EXOC6: variants seen among roughly 807,000 people sequenced by gnomAD.
The protein encoded by EXOC6 is SEC15-like 1.
In EXOC6, 60 loss-of-function variants were observed where a neutral mutation model predicts 112.5. The ratio of observed to expected loss-of-function variants is 0.53; its 90% CI spans 0.43 to 0.66. The LOEUF is 0.66. Ranked by LOEUF, EXOC6 falls within the 30% of genes least tolerant of loss-of-function variation. The pLI, the probability that EXOC6 is intolerant of heterozygous loss-of-function variation, is 0.00. For missense variants in EXOC6, 855 were observed against 957.1 expected (o/e 0.89, Z 1.41); for synonymous variants, 295 against 308.0 (o/e 0.96, Z 0.44).
chr10:92,969,730 G>A (rs1842206194), intron 17 of EXOC6, among the ~76,000 whole-genome samples: 1 of 152,006 alleles, frequency 6.6e-6, no homozygotes, highest in Non-Finnish European at 1.5e-5. Flanking sequence ...GTTTCACTCT[G>A]TTGCCCAGGC....
At chr10:92,975,932 C>T (rs1277364394) in intron 18 of EXOC6, among the ~76,000 whole-genome samples, 1 of 140,096 alleles carries the variant, frequency 7.1e-6, no homozygotes. Flanking sequence ...GGGGTCAGCC[C>T]CCCGCCCGGC....
chr10:92,834,700 C>G (rs201245876), upstream of EXOC6: 203 of 1,524,836 alleles, frequency 1.3e-4, no homozygotes, highest in Middle Eastern at 2.4e-3. Flanking sequence ...CACTCAATAT[C>G]TGACATCTGC....
At chr10:92,873,662 A>G (rs1311806459) in intron 1 of EXOC6, among the ~76,000 whole-genome samples, 1 of 152,200 alleles carries the variant, frequency 6.6e-6, no homozygotes, top group Non-Finnish European at 1.5e-5. Context: ...TTACGAGCAC[A>G]TATAGCAAAC....
intron 17 of EXOC6, among the ~76,000 whole-genome samples, chr10:92,963,972 A>G (rs78121833): frequency 0.035 from 5,268 of 152,044 alleles, 323 homozygotes; most frequent in African/African-American, 0.12. Context: ...TATAAGGCAC[A>G]ATACATATCC....
At chr10:92,832,974 A>T (rs554455161), upstream of EXOC6, among the ~76,000 whole-genome samples, 1 of 152,268 alleles carries the variant, frequency 6.6e-6, no homozygotes, top group East Asian at 1.9e-4. Context: ...TTTAAGATAG[A>T]TTGAAAATTA....
chr10:93,018,279 G>A (rs559871917), intron 20 of EXOC6, among the ~76,000 whole-genome samples: 34 of 152,052 alleles, frequency 2.2e-4, no homozygotes, highest in African/African-American at 8.0e-4. Flanking sequence ...TTTTTAAAAG[G>A]TATAATAATG....
upstream of EXOC6, among the ~76,000 whole-genome samples, chr10:92,844,992 G>A (rs1430184328): frequency 6.6e-6 from 1 of 152,144 alleles, no homozygotes; most frequent in Non-Finnish European, 1.5e-5. Context: ...TAGATAAAAG[G>A]CGCAAAGTTA....
chr10:92,955,954 T>C (rs993316404), intron 17 of EXOC6, among the ~76,000 whole-genome samples: 4 of 152,126 alleles, frequency 2.6e-5, no homozygotes, highest in African/African-American at 9.6e-5. Context: ...CATGTTTTGA[T>C]GATTTATAGT....
chr10:92,919,718 A>T (rs556929737), intron 7 of EXOC6, among the ~76,000 whole-genome samples: 1 of 152,340 alleles, frequency 6.6e-6, no homozygotes, highest in Admixed American at 6.5e-5. Flanking sequence ...CATATTAAAA[A>T]TATACAATTT....
chr10:92,919,596 G>A (rs924003131), intron 7 of EXOC6, among the ~76,000 whole-genome samples: 3 of 152,070 alleles, frequency 2.0e-5, no homozygotes, highest in African/African-American at 4.8e-5. Context: ...ACATAGCTGC[G>A]TAAGAACAGG....
At chr10:92,943,195 C>T (rs145583629) in intron 13 of EXOC6, among the ~76,000 whole-genome samples, 1 of 151,570 alleles carries the variant, frequency 6.6e-6, no homozygotes, top group Non-Finnish European at 1.5e-5. Flanking sequence ...ATTTTTTGTA[C>T]TTTTAGTAGA....
At chr10:92,928,476 C>T (rs1851843987) in intron 9 of EXOC6, 54 bp downstream of exon 9, 2 of 1,066,932 alleles carry the variant, frequency 1.9e-6, no homozygotes, top group Non-Finnish European at 2.8e-6. Flanking sequence ...TCCCCTTACC[C>T]TGTTTTAATT....
chr10:93,021,441 T>A (rs1844785410), intron 20 of EXOC6, among the ~76,000 whole-genome samples: 1 of 152,230 alleles, frequency 6.6e-6, no homozygotes, highest in South Asian at 2.1e-4. Flanking sequence ...TCCTATTAAT[T>A]TGCCTTTTGT....
At chr10:92,992,286 TCAAAAAAA>T (rs1451822651) in intron 18 of EXOC6, among the ~76,000 whole-genome samples, 3 of 24,566 alleles carry the variant, frequency 1.2e-4, no homozygotes, top group African/African-American at 4.0e-4. Flanking sequence ...AGACTCTGTC[TCAAAAAAA>T]AAAAAAAAAA....
At chr10:92,919,910 T>TG (rs981179295) in intron 7 of EXOC6, 72 bp from the exon 8 acceptor site, 1 of 910,252 alleles carries the variant, frequency 1.1e-6, no homozygotes, top group African/African-American at 1.7e-5. Flanking sequence ...TTGCCTATCT[T>TG]TAACTTTACA....
chr10:92,930,424 ACCC>A (rs1279182016), intron 9 of EXOC6, among the ~76,000 whole-genome samples: 2 of 151,960 alleles, frequency 1.3e-5, no homozygotes, highest in Non-Finnish European at 2.9e-5. Flanking sequence ...AATCACTTGA[ACCC>A]GAGAGGCAGA....
chr10:92,936,543 C>T (rs1379289677), intron 12 of EXOC6, among the ~76,000 whole-genome samples: 1 of 152,166 alleles, frequency 6.6e-6, no homozygotes, highest in Non-Finnish European at 1.5e-5. Context: ...TGCAGTGAGC[C>T]GAGATCGCGC....
chr10:92,909,893 A>AT (rs1850646169), intron 6 of EXOC6, among the ~76,000 whole-genome samples: 1 of 152,162 alleles, frequency 6.6e-6, no homozygotes. Flanking sequence ...ATGTGGTGTT[A>AT]TGTTATCCTT....
Position 92,955,852 on chromosome 10 carries a change from G to A in EXOC6, c.1773+138G>A, listed in dbSNP as rs1853666437. 68 of 715,994 alleles carry A rather than the reference G, an allele frequency of 9.5e-5. No individual in the cohort carries two copies. The South Asian group carries it at 1.5e-3, about 16-fold the overall frequency. The allele number at this position is 715,994 out of a possible 1,614,324, so 44.4% of individuals were successfully genotyped here. ...TAGAGGTATTCATTGTCAACAATGAGCAAGTAAATGTCAGTTTCTTTTTGG... is the reference window on the plus strand; with the variant it reads ...TAGAGGTATTCATTGTCAACAATGAACAAGTAAATGTCAGTTTCTTTTTGG... On this transcript the variant is annotated intron_variant, in intron 17 of 21. Transcript: ENST00000260762.
Sources: allele counts gnomAD v4.1 joint callset (sites outside exome capture counted in the v4.1 genomes callset), GRCh38; gene constraint gnomAD v4.1.1; transcripts MANE v1.5; gene names NCBI Gene and HGNC (gene_info 2026-07-23, HGNC 2026-07-21).